Variants in APBB1IP observed in about 807,000 individuals in gnomAD.
APBB1IP encodes amyloid beta A4 precursor protein-binding family B member 1-interacting protein.
In APBB1IP, 27 loss-of-function variants were observed where a neutral mutation model predicts 64.9. That is an observed-to-expected ratio of 0.42 (90% CI 0.31 to 0.57). The LOEUF (loss-of-function observed/expected upper bound fraction) is 0.57. Among genes scored for constraint, APBB1IP ranks in the 20% least tolerant of loss-of-function variants. The probability of loss-of-function intolerance (pLI) is 0.20; values close to 1 mark genes in which losing one functional copy is unlikely to be tolerated. For synonymous variants in APBB1IP, 392 were observed against 331.0 expected, an observed-to-expected ratio of 1.18 and a Z score of -2.00; for missense variants, 812 against 845.5, an observed-to-expected ratio of 0.96 and a Z score of 0.49.
chr10:26,513,932 C>T (rs2132447572), intron 8 of APBB1IP, among the ~76,000 whole-genome samples: 1 of 152,286 alleles, frequency 6.6e-6, no homozygotes, highest in Admixed American at 6.5e-5. Flanking sequence ...GACAGGGTTT[C>T]ACCATGTTGG....
chr10:26,496,499 A>G, intron 4 of APBB1IP, 108 bp downstream of exon 4: 1 of 841,400 alleles, frequency 1.2e-6, no homozygotes, highest in African/African-American at 1.7e-5. Flanking sequence ...AAACATCATG[A>G]TAAATATTGT....
intron 7 of APBB1IP, 113 bp downstream of exon 7, chr10:26,512,019 A>G (rs1836267681): frequency 1.6e-6 from 2 of 1,223,392 alleles, no homozygotes; most frequent in South Asian, 1.6e-5. Context: ...AAATAGACAC[A>G]TGCTCTCACT....
intron 2 of APBB1IP, among the ~76,000 whole-genome samples, chr10:26,479,754 C>A (rs1205486692): frequency 1.3e-5 from 2 of 152,188 alleles, no homozygotes; most frequent in Non-Finnish European, 1.5e-5. Context: ...ATTTGAAATA[C>A]AATTTTCTGT....
chr10:26,475,387 A>G (rs1372677817), intron 2 of APBB1IP, among the ~76,000 whole-genome samples: 1 of 152,112 alleles, frequency 6.6e-6, no homozygotes, highest in African/African-American at 2.4e-5. Flanking sequence ...CCTCCCAGGA[A>G]TGAGATTACA....
At chr10:26,535,449 A>G (rs1238436226) in intron 9 of APBB1IP, among the ~76,000 whole-genome samples, 1 of 152,154 alleles carries the variant, frequency 6.6e-6, no homozygotes, top group Non-Finnish European at 1.5e-5. Context: ...TGTCCTTTGT[A>G]TTACAAACAA....
rs568650325 is a variant in APBB1IP, at chr10:26,497,358, T to C, written c.160+967T>C. Among the ~76,000 whole-genome samples, 3 of 151,894 alleles carry C rather than the reference T, an allele frequency of 2.0e-5. No individual in the cohort carries two copies. In the South Asian group the frequency reaches 6.2e-4, roughly 32 times the overall value. On this transcript the variant is annotated intron_variant, in intron 4 of 14. Coordinates refer to ENST00000376236, the MANE Select transcript of APBB1IP (RefSeq NM_019043.4). ...CAAGGTCAGGAGATCGAGACCATCCTGGCTAACACGGTGAAACCCCATCTC... is the reference window on the plus strand; with the variant it reads ...CAAGGTCAGGAGATCGAGACCATCCCGGCTAACACGGTGAAACCCCATCTC...
chr10:26,550,345 A>G (rs1836815711), intron 11 of APBB1IP, among the ~76,000 whole-genome samples: 1 of 152,022 alleles, frequency 6.6e-6, no homozygotes. Flanking sequence ...TAAGCTTTCT[A>G]TCCCTTTTCA....
At chr10:26,496,236 C>T in intron 3 of APBB1IP, 68 bp from the exon 4 acceptor site, 2 of 1,195,640 alleles carry the variant, frequency 1.7e-6, no homozygotes, top group Admixed American at 1.8e-5. Flanking sequence ...TTTTGACTTG[C>T]TGAGTAAAGT....
chr10:26,567,486 T>C lies in APBB1IP; in HGVS notation c.1999T>C (p.Ter667GlnextTer4). ...ALQKKRGNVS[*>Q] ...GCAAAAGAAGAGAGGCAACGTGTCC[T>C]AGGGACGGGCATGATGAGTGTTCCA... is the stretch of plus-strand genomic sequence containing the variant. The change falls in exon 15 of 15, where the codon TAG becomes CAG. Residue 667 changes from the stop codon to glutamine, a stop_lost. Coordinates refer to ENST00000376236, the MANE Select transcript of APBB1IP (RefSeq NM_019043.4). 1 of 1,570,596 alleles carries C rather than the reference T, an allele frequency of 6.4e-7. No individual in the cohort carries two copies. Among genetic ancestry groups the C allele is most frequent in the Non-Finnish European group, 8.7e-7 (1 of 1,151,084 alleles).
intron 3 of APBB1IP, 52 bp from the exon 4 acceptor site, chr10:26,496,252 A>G (rs2132433719): frequency 7.3e-7 from 1 of 1,370,266 alleles, no homozygotes; most frequent in South Asian, 1.2e-5. Context: ...AAAGTGTGCT[A>G]CAGAAATGTT....
intron 8 of APBB1IP, among the ~76,000 whole-genome samples, chr10:26,517,810 C>T (rs952786203): frequency 2.6e-5 from 4 of 152,166 alleles, no homozygotes; most frequent in Non-Finnish European, 2.9e-5. Context: ...TTGTTTCTAG[C>T]GTGGGGCTTT....
intron 2 of APBB1IP, among the ~76,000 whole-genome samples, chr10:26,457,991 G>C (rs1835546918): frequency 6.6e-6 from 1 of 152,160 alleles, no homozygotes; most frequent in Admixed American, 6.6e-5. Context: ...ATGAAATCTG[G>C]ATATTTTTAT....
chr10:26,567,563 T>G lies in APBB1IP; in HGVS notation c.*75T>G. ...CGCAGGTTTTGCTAGCAGATTGCCC[T>G]GACATCTTGTTCATTTCAGATAAAA... On this transcript the variant is annotated 3_prime_UTR_variant, in exon 15 of 15. Transcript: ENST00000376236. 6.7e-7 allele frequency: 1 copy of G among 1,484,380 alleles called. No individual in the cohort carries two copies. The highest frequency in any genetic ancestry group is 9.1e-7 in the Non-Finnish European group (1 of 1,098,250). 92.0% of individuals were successfully genotyped at this position (1,484,380 alleles called of 1,614,324 possible). A position where few individuals can be genotyped will look rare whatever the true frequency, so the allele number is the denominator to read the frequency against.
chr10:26,507,038 C>T (rs1588592898), intron 6 of APBB1IP, among the ~76,000 whole-genome samples: 1 of 151,870 alleles, frequency 6.6e-6, no homozygotes. Flanking sequence ...AGAATCAGCT[C>T]GGGGAGGTGG....
chr10:26,550,117 G>T (rs1320413827), intron 11 of APBB1IP, among the ~76,000 whole-genome samples: 2 of 151,644 alleles, frequency 1.3e-5, no homozygotes, highest in African/African-American at 4.8e-5. Context: ...TAAGTCTGCT[G>T]CCAGGCATAT....
intron 2 of APBB1IP, among the ~76,000 whole-genome samples, chr10:26,452,471 A>G (rs1157578023): frequency 6.6e-6 from 1 of 152,232 alleles, no homozygotes; most frequent in Non-Finnish European, 1.5e-5. Flanking sequence ...GAAGCCACCA[A>G]TTTCCACCTC....
chr10:26,524,599 G>A lies in APBB1IP; in HGVS notation c.814-8840G>A, dbSNP rs1836446814. On this transcript the variant is annotated intron_variant, in intron 8 of 14. Coordinates refer to ENST00000376236, the MANE Select transcript of APBB1IP (RefSeq NM_019043.4). ...TAAAATCATAAATCAATATGTGGAA[G>A]GTATGCATTGGTTCCCAAAAAGGCA... Among the ~76,000 whole-genome samples, 3 of 152,212 alleles carry A rather than the reference G, an allele frequency of 2.0e-5. No homozygotes were observed. In the East Asian group the frequency reaches 5.8e-4, roughly 29 times the overall value.
chr10:26,464,689 G>A (rs1276597348), intron 2 of APBB1IP, among the ~76,000 whole-genome samples: 2 of 152,172 alleles, frequency 1.3e-5, no homozygotes, highest in South Asian at 2.1e-4. Context: ...GATTACAGGC[G>A]TGAGCCACCA....
intron 14 of APBB1IP, among the ~76,000 whole-genome samples, chr10:26,566,739 T>A (rs1443986572): frequency 6.6e-6 from 1 of 151,596 alleles, no homozygotes; most frequent in Middle Eastern, 3.2e-3. Context: ...ACTAGGGCTG[T>A]TTTGTCCACT....
Sources: gnomAD v4.1 joint callset for allele counts (sites outside exome capture counted in the v4.1 genomes callset) on GRCh38, gnomAD v4.1.1 for gene constraint, MANE v1.5 for transcripts, NCBI Gene and HGNC (gene_info 2026-07-23, HGNC 2026-07-21) for gene names.